Variants in PCDH9 observed in about 807,000 individuals in gnomAD.
PCDH9 encodes protocadherin 9.
PCDH9 carries 24 observed loss-of-function variants against 70.6 expected under a neutral mutation model. The ratio of observed to expected loss-of-function variants is 0.34; its 90% confidence interval spans 0.25 to 0.48. PCDH9 has a LOEUF of 0.48. PCDH9 is among the 20% of genes least tolerant of loss of function. The pLI is 0.99. For missense variants in PCDH9, 1,281 were observed against 1,503.6 expected, an observed-to-expected ratio of 0.85 and a Z score of 2.45; for synonymous variants, 562 against 558.5, an observed-to-expected ratio of 1.01 and a Z score of -0.09.
At chr13:66,635,222 A>G (rs1430159543) in intron 3 of PCDH9, among the ~76,000 whole-genome samples, 1 of 152,066 alleles carries the variant, frequency 6.6e-6, no homozygotes, top group East Asian at 1.9e-4. Flanking sequence ...TACCCATTCC[A>G]TTTTATCCTG....
intron 2 of PCDH9, among the ~76,000 whole-genome samples, chr13:67,181,968 C>T (rs1210800426): frequency 6.6e-6 from 1 of 152,174 alleles, no homozygotes; most frequent in Non-Finnish European, 1.5e-5. Context: ...TGGCCTTCAC[C>T]TGATTGACCA....
chr13:66,803,371 A>C (rs1701327139), intron 3 of PCDH9, among the ~76,000 whole-genome samples: 1 of 152,192 alleles, frequency 6.6e-6, no homozygotes, highest in South Asian at 2.1e-4. Context: ...TTTAAGAGCT[A>C]AATTAAACCA....
chr13:66,374,877 C>G (rs1187637352), intron 4 of PCDH9, among the ~76,000 whole-genome samples: 1 of 151,978 alleles, frequency 6.6e-6, no homozygotes, highest in Non-Finnish European at 1.5e-5. Context: ...TTTGTTAGAG[C>G]TGAAGGAATA....
intron 3 of PCDH9, among the ~76,000 whole-genome samples, chr13:66,841,071 G>C (rs958207519): frequency 1.3e-5 from 2 of 152,008 alleles, no homozygotes; most frequent in Non-Finnish European, 2.9e-5. Flanking sequence ...TAGCATGAAG[G>C]TATGTTATTT....
At chr13:67,009,588 C>T (rs1189865624) in intron 2 of PCDH9, among the ~76,000 whole-genome samples, 1 of 151,980 alleles carries the variant, frequency 6.6e-6, no homozygotes, top group Non-Finnish European at 1.5e-5. Flanking sequence ...TCTGTGCCTT[C>T]TCTGGTCTGT....
intron 3 of PCDH9, among the ~76,000 whole-genome samples, chr13:66,718,195 G>A (rs2078896131): frequency 6.6e-6 from 1 of 152,130 alleles, no homozygotes; most frequent in Non-Finnish European, 1.5e-5. Context: ...GAATTAAAAT[G>A]TAAGTACAAA....
At chr13:66,708,428 A>C (rs934770198) in intron 3 of PCDH9, among the ~76,000 whole-genome samples, 3 of 90,120 alleles carry the variant, frequency 3.3e-5, no homozygotes, top group African/African-American at 1.1e-4. Flanking sequence ...TTTCTTTCTT[A>C]GGTCTAGTTT....
At chr13:67,099,861 C>T (rs1213340466) in intron 2 of PCDH9, among the ~76,000 whole-genome samples, 1 of 152,214 alleles carries the variant, frequency 6.6e-6, no homozygotes, top group Admixed American at 6.5e-5. Flanking sequence ...AAGTTTGACA[C>T]ATTGTTCTAT....
chr13:67,184,942 C>G (rs573522504), intron 2 of PCDH9, among the ~76,000 whole-genome samples: 3 of 152,062 alleles, frequency 2.0e-5, no homozygotes, highest in Non-Finnish European at 2.9e-5. Flanking sequence ...CTGTTGACTG[C>G]GATAACTTCT....
intron 3 of PCDH9, among the ~76,000 whole-genome samples, chr13:66,855,348 A>G (rs755026825): frequency 6.6e-6 from 1 of 152,102 alleles, no homozygotes; most frequent in Non-Finnish European, 1.5e-5. Context: ...AGAAATGAAT[A>G]ATGGATTACG....
chr13:66,735,061 A>G (rs1053249681), intron 3 of PCDH9, among the ~76,000 whole-genome samples: 5 of 152,178 alleles, frequency 3.3e-5, no homozygotes, highest in African/African-American at 1.2e-4. Context: ...ATGAATATAT[A>G]TAGTACTGGG....
At chr13:66,860,471 G>A (rs951180093) in intron 3 of PCDH9, among the ~76,000 whole-genome samples, 1 of 152,182 alleles carries the variant, frequency 6.6e-6, no homozygotes, top group East Asian at 1.9e-4. Context: ...GGAGGCTCCC[G>A]TCAGTGCCAC....
chr13:67,029,082 A>C (rs1341128899), intron 2 of PCDH9, among the ~76,000 whole-genome samples: 3 of 152,224 alleles, frequency 2.0e-5, no homozygotes, highest in Non-Finnish European at 4.4e-5. Context: ...AAAATAAATG[A>C]GGAAAAATAT....
At chr13:66,387,688 G>A (rs1382226291) in intron 4 of PCDH9, among the ~76,000 whole-genome samples, 1 of 151,988 alleles carries the variant, frequency 6.6e-6, no homozygotes, top group East Asian at 1.9e-4. Flanking sequence ...AGAAGCTGGC[G>A]TCATGCTTCT....
At chr13:67,048,622 T>G (rs2085266894) in intron 2 of PCDH9, among the ~76,000 whole-genome samples, 1 of 152,018 alleles carries the variant, frequency 6.6e-6, no homozygotes, top group African/African-American at 2.4e-5. Flanking sequence ...AATGTGTGGG[T>G]GGGGAATAGA....
intron 2 of PCDH9, among the ~76,000 whole-genome samples, chr13:66,930,650 GA>G (rs1284726198): frequency 2.0e-5 from 3 of 151,998 alleles, no homozygotes; most frequent in African/African-American, 7.2e-5. Flanking sequence ...AATTCCTTTG[GA>G]GGGGAGGGAA....
At chr13:66,614,286 T>C (rs1050713432) in intron 4 of PCDH9, among the ~76,000 whole-genome samples, 3 of 152,180 alleles carry the variant, frequency 2.0e-5, no homozygotes, top group African/African-American at 7.2e-5. Flanking sequence ...GGTGGAAGAA[T>C]TGTGGAAATT....
intron 2 of PCDH9, among the ~76,000 whole-genome samples, chr13:67,176,044 A>T (rs2088443584): frequency 6.6e-6 from 1 of 152,202 alleles, no homozygotes; most frequent in African/African-American, 2.4e-5. Context: ...TCTCATGTAG[A>T]CAATGAAACA....
chr13:66,661,549 A>G lies in PCDH9; in HGVS notation c.3139-30138T>C, dbSNP rs186707272. ...AGGTATGCCCTTGTTTATCTGGATT[A>G]TACCATGAAGTCATAGTTGAATCAA... On this transcript the variant is annotated intron_variant, in intron 3 of 4. Transcript: ENST00000377865. Among the ~76,000 whole-genome samples the G allele has an allele frequency of 5.0e-3, 764 of 152,314 alleles. 5 individuals are homozygous for G. Among genetic ancestry groups the G allele is most frequent in the Non-Finnish European group, 5.9e-3 (398 of 68,014 alleles).
Sources: allele counts gnomAD v4.1 joint callset (sites outside exome capture counted in the v4.1 genomes callset), GRCh38; gene constraint gnomAD v4.1.1; transcripts MANE v1.5; gene names NCBI Gene and HGNC (gene_info 2026-07-23, HGNC 2026-07-21).